ZNF467: variants seen among roughly 807,000 people sequenced by gnomAD.
ZNF467 encodes zinc finger protein 467, also known as zinc finger protein EZI.
In ZNF467, 51 loss-of-function variants were observed where a neutral mutation model predicts 47.8. That is an observed-to-expected ratio of 1.07 (90% CI 0.85 to 1.35). The LOEUF is 1.35. Among genes scored for constraint, ZNF467 ranks in the 40% most tolerant of loss-of-function variants. The pLI is 0.00. For synonymous variants in ZNF467, 416 were observed against 372.9 expected, an observed-to-expected ratio of 1.12 and a Z score of -1.33; for missense variants, 992 against 858.1, an observed-to-expected ratio of 1.16 and a Z score of -1.95.
intron 3 of ZNF467, 33 bp downstream of exon 3, chr7:149,770,406 CT>C: frequency 6.5e-7 from 1 of 1,527,922 alleles, no homozygotes; most frequent in South Asian, 1.2e-5. Context: ...AGGGGGACTC[CT>C]CCCTGAGCCT....
At chr7:149,767,263 G>A (rs893926173) in intron 4 of ZNF467, among the ~76,000 whole-genome samples, 1 of 152,254 alleles carries the variant, frequency 6.6e-6, no homozygotes, top group Non-Finnish European at 1.5e-5. Context: ...CAGCTCCTGG[G>A]AAACGTTGAG....
At chr7:149,767,046 G>T (rs1424488502) in intron 4 of ZNF467, among the ~76,000 whole-genome samples, 5 of 152,212 alleles carry the variant, frequency 3.3e-5, no homozygotes, top group Admixed American at 3.3e-4. Flanking sequence ...TGCCCCTGTC[G>T]GGTGCTGCAA....
upstream of ZNF467, chr7:149,776,312 G>T: frequency 7.4e-7 from 1 of 1,345,888 alleles, no homozygotes; most frequent in East Asian, 4.7e-5. Flanking sequence ...CAGAGGGAAT[G>T]GTGGCAGCAG....
chr7:149,765,841 A>T lies in ZNF467; in HGVS notation c.661T>A (p.Cys221Ser). Residue 221 changes from cysteine to serine, a missense_variant, in exon 5 of 5, where the codon TGC becomes AGC. Coordinates refer to ENST00000302017, the MANE Select transcript of ZNF467 (RefSeq NM_207336.3). ...GCCTTCTTGCTGAAGCGCTTGTCGC[A>T]CTCGGAGCACGGGAAAGGCCGCTCG... ...RGERPFPCSE[C>S]DKRFSKKAHL... 3 of 1,608,060 alleles carry T rather than the reference A, an allele frequency of 1.9e-6. No individual in the cohort carries two copies. The highest frequency in any genetic ancestry group is 2.5e-6 in the Non-Finnish European group (3 of 1,177,654).
upstream of ZNF467, chr7:149,776,122 A>G (rs1043963386): frequency 1.5e-6 from 2 of 1,351,156 alleles, no homozygotes; most frequent in Non-Finnish European, 2.0e-6. Context: ...CCCTCTGACA[A>G]GGGTCCTCCT....
At chr7:149,775,622 C>T (rs553168653), upstream of ZNF467, among the ~76,000 whole-genome samples, 43 of 151,972 alleles carry the variant, frequency 2.8e-4, no homozygotes, top group Non-Finnish European at 4.6e-4. Flanking sequence ...GAAATTTTTA[C>T]TGGGAAGGAA....
chr7:149,773,648 G>A (rs1348263138), upstream of ZNF467, among the ~76,000 whole-genome samples: 1 of 146,012 alleles, frequency 6.8e-6, no homozygotes, highest in Non-Finnish European at 1.5e-5. Context: ...GAACGGGTGG[G>A]GGGGTGGCGG....
Position 149,765,516 on chromosome 7 carries a change from C to A in ZNF467, c.986G>T (p.Arg329Met), listed in dbSNP as rs780094534. 1.8e-5 allele frequency: 29 copies of A among 1,579,936 alleles called. No individual in the cohort carries two copies. Among genetic ancestry groups the A allele is most frequent in the Admixed American group, 1.3e-4 (7 of 53,864 alleles). ...QRVHQTAGPA[R>M]PSPDSSASPH... is the part of the protein sequence containing the mutation. The stretch of plus-strand genomic sequence containing the variant: ...AGAAGCGGACGAGTCGGGAGAGGGC[C>A]TGGCCGGGCCGGCCGTCTGGTGCAC... Residue 329 changes from arginine to methionine, a missense_variant, in exon 5 of 5, where the codon AGG (arginine) becomes ATG (methionine). Arg to Met is a moderately conservative substitution (Grantham distance 91, BLOSUM62 -1). Transcript: ENST00000302017.
intron 1 of ZNF467, among the ~76,000 whole-genome samples, chr7:149,771,609 A>G (rs1799409043): frequency 1.3e-5 from 2 of 151,910 alleles, no homozygotes; most frequent in South Asian, 2.1e-4. Flanking sequence ...GCCTCTTCCT[A>G]AACCCCTACC....
rs778531572 is a variant in ZNF467 at position 149,764,905 on chromosome 7, G to T, written c.1597C>A (p.His533Asn). Reference protein sequence around the residue: ...SFSSKTNLVRHQAIHTGSRPF... With the variant: ...SFSSKTNLVRNQAIHTGSRPF... The stretch of plus-strand genomic sequence containing the variant: ...CGGGAGCCTGTGTGGATCGCCTGGT[G>T]GCGGACTAGGTTGGTTTTGGAGCTG... The change falls in exon 5 of 5, where the codon CAC (histidine) becomes AAC (asparagine). Residue 533 changes from histidine to asparagine, a missense_variant. Physicochemically the swap from His to Asn is moderately conservative, Grantham distance 68 (BLOSUM62 1). Transcript: ENST00000302017. 7 of 1,566,838 alleles carry T rather than the reference G, an allele frequency of 4.5e-6. No homozygotes were observed. The East Asian group carries it at 1.6e-4, about 36-fold the overall frequency.
chr7:149,776,183 C>T, upstream of ZNF467: 2 of 1,078,378 alleles, frequency 1.9e-6, no homozygotes, highest in Non-Finnish European at 2.5e-6. Flanking sequence ...GTGCCCCCCA[C>T]CCCCGGGATC....
upstream of ZNF467, among the ~76,000 whole-genome samples, chr7:149,773,642 G>A (rs1445327377): frequency 6.8e-6 from 1 of 147,980 alleles, no homozygotes; most frequent in African/African-American, 2.5e-5. Context: ...GAGCGCGAAC[G>A]GGTGGGGGGG....
intron 1 of ZNF467, among the ~76,000 whole-genome samples, chr7:149,772,134 C>T (rs1177609835): frequency 8.2e-6 from 1 of 121,486 alleles, no homozygotes; most frequent in Non-Finnish European, 1.7e-5. Context: ...ACCCAGTTCT[C>T]CTCTCCCCTC....
chr7:149,766,284 C>G, intron 4 of ZNF467, 45 bp from the exon 5 acceptor site: 1 of 1,510,030 alleles, frequency 6.6e-7, no homozygotes, highest in Non-Finnish European at 8.9e-7. Flanking sequence ...CCACGTGCGG[C>G]AACGTCTATT....
At chr7:149,774,540 C>T (rs994801050), upstream of ZNF467, among the ~76,000 whole-genome samples, 1 of 152,178 alleles carries the variant, frequency 6.6e-6, no homozygotes, top group African/African-American at 2.4e-5. The surrounding 1 kb of genome is among the most constrained non-coding windows in gnomAD (Gnocchi z 5.7). Context: ...CTACCACAGC[C>T]CACCACAAGG....
At position 149,764,330 on chromosome 7, in the gene ZNF467, T is replaced by G; in HGVS notation, c.*384A>C. On this transcript the variant is annotated 3_prime_UTR_variant, in exon 5 of 5. Coordinates refer to ENST00000302017, the MANE Select transcript of ZNF467 (RefSeq NM_207336.3). The stretch of plus-strand genomic sequence containing the variant: ...ACAGTGGCTAAGGAGAGTCAGGTGT[T>G]CCCTCCCCCAATTCATTTAGCAGCC... 1 of 531,500 alleles carries G rather than the reference T, an allele frequency of 1.9e-6. No homozygotes were observed. The highest frequency in any genetic ancestry group is 3.3e-6 in the Non-Finnish European group (1 of 302,962). 32.9% of individuals were successfully genotyped at this position (531,500 alleles called of 1,614,324 possible). A position where few individuals can be genotyped will look rare whatever the true frequency, so the allele number is the denominator to read the frequency against.
Position 149,764,248 on chromosome 7 carries a change from T to C in ZNF467, c.*466A>G. 1 of 395,004 alleles carries C rather than the reference T, an allele frequency of 2.5e-6. No homozygotes were observed. Among genetic ancestry groups the C allele is most frequent in the Non-Finnish European group, 4.5e-6 (1 of 223,456 alleles). 24.5% of individuals were successfully genotyped at this position (395,004 alleles called of 1,614,324 possible). ...TTAACAGCAGCTGGCTAAATGTAACTCACCCAGGACAGAAGGGGAAGTGGA... is the reference window on the plus strand; with the variant it reads ...TTAACAGCAGCTGGCTAAATGTAACCCACCCAGGACAGAAGGGGAAGTGGA... On this transcript the variant is annotated 3_prime_UTR_variant, in exon 5 of 5. Coordinates refer to ENST00000302017, the MANE Select transcript of ZNF467 (RefSeq NM_207336.3).
intron 3 of ZNF467, 41 bp downstream of exon 3, chr7:149,770,399 G>C (rs1373615054): frequency 2.1e-6 from 3 of 1,458,340 alleles, no homozygotes; most frequent in Non-Finnish European, 2.8e-6. Flanking sequence ...GGAAAGCAGG[G>C]GGACTCCTCC....
chr7:149,769,185 G>T lies in ZNF467; in HGVS notation c.167C>A (p.Thr56Lys). 1 of 1,558,334 alleles carries T rather than the reference G, an allele frequency of 6.4e-7. No individual in the cohort carries two copies. The highest frequency in any genetic ancestry group is 8.7e-7 in the Non-Finnish European group (1 of 1,150,326). ...TTCTGTGTGGGCACCTTCCTCCGGTGTAGGGGCCTCGTGCCCTGGCAGAGA... is the reference window on the plus strand; with the variant it reads ...TTCTGTGTGGGCACCTTCCTCCGGTTTAGGGGCCTCGTGCCCTGGCAGAGA... The part of the protein sequence containing the change: ...LGVCSGHEAP[T>K]PEEGAHTEQA... Residue 56 changes from threonine (T) to lysine (K), a missense_variant, in exon 4 of 5, where the codon ACA becomes AAA. By Grantham distance (78) the Thr-to-Lys change is moderately conservative. Transcript: ENST00000302017. The surrounding 1 kb of genome is among the most constrained non-coding windows in gnomAD (Gnocchi z 5.3).
Sources: gnomAD v4.1 joint callset for allele counts (sites outside exome capture counted in the v4.1 genomes callset) on GRCh38, gnomAD v4.1.1 for gene constraint, Gnocchi (gnomAD v3.1) non-coding constraint, MANE v1.5 for transcripts, NCBI Gene and HGNC (gene_info 2026-07-23, HGNC 2026-07-21) for gene names.